ADAMTS16: variants seen among roughly 807,000 people sequenced by gnomAD.
ADAMTS16 encodes A disintegrin and metalloproteinase with thrombospondin motifs 16.
Under a neutral mutation model 145.8 loss-of-function variants are expected in ADAMTS16, and 94 were observed. That is an observed-to-expected ratio of 0.64 (90% CI 0.55 to 0.77). The LOEUF (loss-of-function observed/expected upper bound fraction) is 0.77, where lower values mean the gene tolerates loss of function less well. ADAMTS16 is among the 30% of genes least tolerant of loss of function. The pLI, the probability that ADAMTS16 is intolerant of heterozygous loss-of-function variation, is 0.00. For synonymous variants in ADAMTS16, 659 were observed against 604.3 expected, an observed-to-expected ratio of 1.09 and a Z score of -1.33; for missense variants, 1,585 against 1,591.5, an observed-to-expected ratio of 1.00 and a Z score of 0.07.
intron 6 of ADAMTS16, 126 bp from the exon 7 acceptor site, chr5:5,189,845 A>G (rs1735608728): frequency 2.6e-6 from 3 of 1,168,172 alleles, no homozygotes; most frequent in African/African-American, 1.5e-5. Flanking sequence ...GCGTTAGCTT[A>G]TATGCCATCC....
intron 12 of ADAMTS16, among the ~76,000 whole-genome samples, chr5:5,233,387 A>G (rs1387883584): frequency 2.6e-5 from 4 of 152,208 alleles, no homozygotes; most frequent in Non-Finnish European, 5.9e-5. Context: ...GGTTTGTTAC[A>G]TAAGCAAACT....
chr5:5,290,548 A>G (rs1739267325), intron 18 of ADAMTS16, among the ~76,000 whole-genome samples: 1 of 152,162 alleles, frequency 6.6e-6, no homozygotes, highest in Non-Finnish European at 1.5e-5. Flanking sequence ...CCAGCTACTC[A>G]GGAGGCTGAG....
Position 5,309,755 on chromosome 5 carries a change from C to T in ADAMTS16, c.3411+3027C>T, listed in dbSNP as rs535601777. ...CATGATGCAAGTGGAAACAGATACA[C>T]CCAAGCACACTGCTGGTTTGGGGTG... is the stretch of plus-strand genomic sequence containing the variant. On this transcript the variant is annotated intron_variant, in intron 21 of 22. Coordinates refer to ENST00000274181, the MANE Select transcript of ADAMTS16 (RefSeq NM_139056.4). Among the ~76,000 whole-genome samples, 4 of 152,150 alleles carry T rather than the reference C, an allele frequency of 2.6e-5. No homozygotes were observed. The South Asian group carries it at 6.2e-4, about 24-fold the overall frequency.
In ADAMTS16 at chr5:5,228,630, G is replaced by A. The variant is rs140575515; in HGVS notation, c.1702-3738G>A. On this transcript the variant is annotated intron_variant, in intron 11 of 22. Transcript: ENST00000274181. Reference sequence around the variant, plus strand: ...CTAGTTTTCTCAATAAAAGGAGCCAGAACTTTTTGTATAAATGGATGATTC... The same window carrying A: ...CTAGTTTTCTCAATAAAAGGAGCCAAAACTTTTTGTATAAATGGATGATTC... Among the ~76,000 whole-genome samples the A allele has an allele frequency of 4.0e-3, 616 of 152,252 alleles. 2 individuals are homozygous for A. The highest frequency in any genetic ancestry group is 0.011 in the African/African-American group (462 of 41,566).
intron 8 of ADAMTS16, among the ~76,000 whole-genome samples, chr5:5,194,892 A>T (rs1431679274): frequency 6.6e-6 from 1 of 152,186 alleles, no homozygotes; most frequent in African/African-American, 2.4e-5. Flanking sequence ...TACTGCTTCG[A>T]AGGTAAATTT....
chr5:5,146,151 A>C lies in ADAMTS16; in HGVS notation c.197A>C (p.Tyr66Ser). 6.2e-7 allele frequency: 1 copy of C among 1,613,976 alleles called. No individual in the cohort carries two copies. The highest frequency in any genetic ancestry group is 1.1e-5 in the South Asian group (1 of 91,076). Residue 66 changes from tyrosine to serine, a missense_variant, in exon 3 of 23, where the codon TAC becomes TCC. Transcript: ENST00000274181. ...TCAGAATATGACCTGGTCTCTGCCTACGAGGTTGACCACAGGGGCGATTAC... is the reference window on the plus strand; with the variant it reads ...TCAGAATATGACCTGGTCTCTGCCTCCGAGGTTGACCACAGGGGCGATTAC... ...EKGEYDLVSAYEVDHRGDYVS... is the reference protein window; with the variant it reads ...EKGEYDLVSASEVDHRGDYVS...
intron 3 of ADAMTS16, among the ~76,000 whole-genome samples, chr5:5,165,636 G>A (rs1336819501): frequency 1.3e-5 from 2 of 152,204 alleles, no homozygotes; most frequent in African/African-American, 4.8e-5. Flanking sequence ...TACCACTAGT[G>A]TCAGAATTAA....
chr5:5,221,469 T>G (rs926947577), intron 10 of ADAMTS16, among the ~76,000 whole-genome samples: 12 of 152,136 alleles, frequency 7.9e-5, no homozygotes, highest in African/African-American at 2.9e-4. Flanking sequence ...CTTATCACAA[T>G]GGCGAGGATC....
intron 10 of ADAMTS16, among the ~76,000 whole-genome samples, chr5:5,212,290 C>T (rs1254359492): frequency 6.6e-6 from 1 of 151,236 alleles, no homozygotes; most frequent in African/African-American, 2.4e-5. Flanking sequence ...TCACTGCAAG[C>T]TCTGCCTCCC....
Position 5,309,548 on chromosome 5 carries a change from T to G in ADAMTS16, c.3411+2820T>G, listed in dbSNP as rs1309953856. ...GAGCGGGTCCCGGCAGCTACTAATA[T>G]TCCGTCTTTAGAGAAGTTTCCTCCT... On this transcript the variant is annotated intron_variant, in intron 21 of 22. Coordinates refer to ENST00000274181, the MANE Select transcript of ADAMTS16 (RefSeq NM_139056.4). Among the ~76,000 whole-genome samples, 6 of 152,316 alleles carry G rather than the reference T, an allele frequency of 3.9e-5. No individual in the cohort carries two copies. In the East Asian group the frequency reaches 5.8e-4, roughly 15 times the overall value.
At chr5:5,200,096 C>G (rs1417938953) in intron 8 of ADAMTS16, 36 bp from the exon 9 acceptor site, 1 of 1,528,968 alleles carries the variant, frequency 6.5e-7, no homozygotes, top group Non-Finnish European at 8.8e-7. Flanking sequence ...TGTTTTTGTT[C>G]TGAAAGAACC....
Position 5,279,953 on chromosome 5 carries a change from C to T in ADAMTS16, c.2789+17170C>T, listed in dbSNP as rs138696316. 1.0e-3 allele frequency among the ~76,000 whole-genome samples: 122 copies of T among 120,850 alleles called. 1 individual carries two copies. Among genetic ancestry groups the T allele is most frequent in the Middle Eastern group, 4.6e-3 (1 of 218 alleles). The allele number at this position is 120,850 out of a possible 152,430, so 79.3% of individuals were successfully genotyped here. A position where few individuals can be genotyped will look rare whatever the true frequency, so the allele number is the denominator to read the frequency against. ...TTCTTTCTTTCTTTCTTTTTCCTTC[C>T]TTCCTTCTTTCCTTCTTTCTTTTTT... On this transcript the variant is annotated intron_variant, in intron 18 of 22. Coordinates refer to ENST00000274181, the MANE Select transcript of ADAMTS16 (RefSeq NM_139056.4).
At chr5:5,299,514 AT>A (rs11290403) in intron 18 of ADAMTS16, among the ~76,000 whole-genome samples, 82,636 of 151,748 alleles carry the variant, frequency 0.54, 22,733 homozygotes, top group Non-Finnish European at 0.57. Context: ...TGTCATTTTA[AT>A]TTTTTTTTTA....
At position 5,162,434 on chromosome 5, in the gene ADAMTS16, C is replaced by T. The variant is rs116260142; in HGVS notation, c.501+15979C>T. On this transcript the variant is annotated intron_variant, in intron 3 of 22. Coordinates refer to ENST00000274181, the MANE Select transcript of ADAMTS16 (RefSeq NM_139056.4). The stretch of plus-strand genomic sequence containing the variant: ...CTCAGTGTAAAGGCTGAGCATTTGA[C>T]CAGGCATCCGTTATCTCCTCCCAGG... Among the ~76,000 whole-genome samples the T allele has an allele frequency of 2.4e-3, 365 of 152,240 alleles. 2 individuals are homozygous for T. The highest frequency in any genetic ancestry group is 8.6e-3 in the African/African-American group (357 of 41,540).
chr5:5,141,830 C>T (rs1734176129), intron 2 of ADAMTS16, among the ~76,000 whole-genome samples: 1 of 152,084 alleles, frequency 6.6e-6, no homozygotes, highest in Non-Finnish European at 1.5e-5. Flanking sequence ...CAGATTGACG[C>T]TCACCATAGT....
At chr5:5,256,805 T>A (rs1465873725) in intron 17 of ADAMTS16, among the ~76,000 whole-genome samples, 1 of 152,206 alleles carries the variant, frequency 6.6e-6, no homozygotes, top group Non-Finnish European at 1.5e-5. Context: ...GAAACCAAAC[T>A]GAAGCCATTA....
intron 11 of ADAMTS16, 79 bp downstream of exon 11, chr5:5,222,963 G>A (rs1041283924): frequency 1.6e-6 from 2 of 1,272,558 alleles, no homozygotes; most frequent in African/African-American, 2.9e-5. Flanking sequence ...CTCTTGCATA[G>A]GTATTTTTAA....
At chr5:5,314,485 T>C (rs551994221) in intron 21 of ADAMTS16, among the ~76,000 whole-genome samples, 2 of 152,340 alleles carry the variant, frequency 1.3e-5, no homozygotes, top group African/African-American at 4.8e-5. Context: ...AGCCATCGTA[T>C]TTGGGAGACT....
At chr5:5,179,489 A>C (rs749296064) in intron 3 of ADAMTS16, among the ~76,000 whole-genome samples, 1 of 152,234 alleles carries the variant, frequency 6.6e-6, no homozygotes, top group Non-Finnish European at 1.5e-5. Flanking sequence ...GCGTTATACA[A>C]GGTTGAACAC....
Sources: gnomAD v4.1 joint callset for allele counts (sites outside exome capture counted in the v4.1 genomes callset) on GRCh38, gnomAD v4.1.1 for gene constraint, MANE v1.5 for transcripts, NCBI Gene and HGNC (gene_info 2026-07-23, HGNC 2026-07-21) for gene names.